The following SLC38A6 variants were observed in gnomAD, a reference collection of about 807,000 sequenced individuals.
The protein encoded by SLC38A6 is N system amino acid transporter NAT-1.
A neutral mutation model predicts 65.0 loss-of-function variants in SLC38A6; 73 were observed. The observed-to-expected ratio is 1.12, with a 90% CI of 0.93 to 1.37. SLC38A6 has a LOEUF of 1.37. Among genes scored for constraint, SLC38A6 ranks in the 40% most tolerant of loss-of-function variants. The pLI, the probability that SLC38A6 is intolerant of heterozygous loss-of-function variation, is 0.00. For synonymous variants in SLC38A6, 183 were observed against 178.8 expected, an observed-to-expected ratio of 1.02 and a Z score of -0.19; for missense variants, 561 against 531.1, an observed-to-expected ratio of 1.06 and a Z score of -0.55.
chr14:61,043,715 T>C (rs1182381001), intron 10 of SLC38A6, among the ~76,000 whole-genome samples: 16 of 150,776 alleles, frequency 1.1e-4, no homozygotes, highest in Admixed American at 4.0e-4. Context: ...TTTTTTTTTT[T>C]TCCTGGTATG....
At chr14:61,076,014 C>A (rs921483336) in intron 15 of SLC38A6, among the ~76,000 whole-genome samples, 5 of 152,066 alleles carry the variant, frequency 3.3e-5, no homozygotes, top group African/African-American at 1.2e-4. Context: ...AGCCACCACA[C>A]CCAGCTAATT....
intron 3 of SLC38A6, among the ~76,000 whole-genome samples, chr14:60,998,294 G>A (rs921036094): frequency 6.6e-6 from 1 of 151,736 alleles, no homozygotes. Flanking sequence ...CCCGCATCCT[G>A]TACCCATATA....
rs532535574 is a variant in SLC38A6 at position 61,011,283 on chromosome 14, G to A, written c.311-4621G>A. On this transcript the variant is annotated intron_variant, in intron 3 of 15. Coordinates refer to ENST00000267488, the MANE Select transcript of SLC38A6 (RefSeq NM_153811.3). ...TATCAGCTTAAGGAGATTTTGGGCC[G>A]AGATGGTGGGGTTTTCGAGATATAC... Among the ~76,000 whole-genome samples, 10 of 152,292 alleles carry A rather than the reference G, an allele frequency of 6.6e-5. No individual in the cohort carries two copies. The South Asian group carries it at 2.1e-3, about 32-fold the overall frequency.
chr14:61,071,428 T>C (rs1438447812), intron 15 of SLC38A6, among the ~76,000 whole-genome samples: 1 of 152,160 alleles, frequency 6.6e-6, no homozygotes, highest in Non-Finnish European at 1.5e-5. Flanking sequence ...ATGCCTGTAA[T>C]CACAGTACTT....
At chr14:61,076,631 G>T (rs1439459709) in intron 15 of SLC38A6, among the ~76,000 whole-genome samples, 2 of 152,168 alleles carry the variant, frequency 1.3e-5, no homozygotes, top group African/African-American at 4.8e-5. Context: ...AAAAGGTTCT[G>T]CTCATAGCAG....
At chr14:61,046,881 C>T (rs1053049123) in intron 12 of SLC38A6, among the ~76,000 whole-genome samples, 5 of 152,010 alleles carry the variant, frequency 3.3e-5, no homozygotes, top group African/African-American at 4.8e-5. Flanking sequence ...CTGCTAGAGA[C>T]GCTACAAAGA....
chr14:60,990,736 C>T (rs12893281), intron 3 of SLC38A6, among the ~76,000 whole-genome samples: 118,114 of 152,074 alleles, frequency 0.78, 50,273 homozygotes, highest in Non-Finnish European at 0.96. Flanking sequence ...GCCTCAGCCT[C>T]CCGGGTAGCT....
At chr14:61,005,704 C>T (rs1011894020) in intron 3 of SLC38A6, among the ~76,000 whole-genome samples, 19 of 152,164 alleles carry the variant, frequency 1.2e-4, no homozygotes, top group African/African-American at 4.6e-4. Flanking sequence ...AATGGAAGAA[C>T]ATTCCATGCT....
intron 15 of SLC38A6, among the ~76,000 whole-genome samples, chr14:61,065,712 G>T (rs970708875): frequency 6.6e-6 from 1 of 152,158 alleles, no homozygotes; most frequent in African/African-American, 2.4e-5. Context: ...TTTAGGGCCT[G>T]GGAATAAGGT....
At chr14:61,005,862 A>T (rs903556518) in intron 3 of SLC38A6, among the ~76,000 whole-genome samples, 2 of 152,222 alleles carry the variant, frequency 1.3e-5, no homozygotes, top group Non-Finnish European at 2.9e-5. Context: ...AAGAGCCCGC[A>T]TTGCCAAGTC....
At chr14:61,015,024 G>T (rs1455477035) in intron 3 of SLC38A6, among the ~76,000 whole-genome samples, 1 of 152,160 alleles carries the variant, frequency 6.6e-6, no homozygotes, top group Admixed American at 6.5e-5. Flanking sequence ...GCTGTGGTGG[G>T]CTCCACCCAG....
At chr14:61,067,452 T>C (rs1197669164) in intron 15 of SLC38A6, among the ~76,000 whole-genome samples, 1 of 152,198 alleles carries the variant, frequency 6.6e-6, no homozygotes, top group African/African-American at 2.4e-5. Flanking sequence ...AGAAATATCC[T>C]GACCAATGCA....
chr14:61,018,363 T>C (rs2040143194), intron 4 of SLC38A6, among the ~76,000 whole-genome samples: 1 of 152,168 alleles, frequency 6.6e-6, no homozygotes, highest in South Asian at 2.1e-4. Flanking sequence ...TGGAGAGCGT[T>C]CAAGTGGCAA....
chr14:61,032,519 A>AT (rs1416787967), intron 6 of SLC38A6, among the ~76,000 whole-genome samples: 1 of 151,862 alleles, frequency 6.6e-6, no homozygotes, highest in African/African-American at 2.4e-5. Flanking sequence ...TTAAAATGTT[A>AT]TTTTTACATG....
Position 60,981,338 on chromosome 14 carries a change from C to G in SLC38A6, c.61C>G (p.Pro21Ala), listed in dbSNP as rs2036994188. ...ERGWYVSVQQ[P>A]EEAEAEELSP... ...GGGCTGGTATGTCTCTGTCCAGCAG[C>G]CTGAAGAAGCGGAGGCCGAAGAGTT... The change falls in exon 1 of 16, where the codon CCT becomes GCT. Residue 21 changes from proline to alanine, a missense_variant. Pro to Ala is a conservative substitution (Grantham distance 27). Coordinates refer to ENST00000267488, the MANE Select transcript of SLC38A6 (RefSeq NM_153811.3). The G allele has an allele frequency of 6.2e-7, 1 of 1,610,506 alleles. No individual in the cohort carries two copies.
intron 3 of SLC38A6, among the ~76,000 whole-genome samples, chr14:61,003,465 G>A (rs1469234710): frequency 6.6e-6 from 1 of 152,002 alleles, no homozygotes; most frequent in Non-Finnish European, 1.5e-5. Flanking sequence ...TGCATATAAT[G>A]ATTTCTCTTG....
Position 61,037,617 on chromosome 14 carries a change from T to C in SLC38A6, c.566-8T>C, listed in dbSNP as rs371711031. The C allele has an allele frequency of 1.9e-6, 3 of 1,578,020 alleles. No homozygotes were observed. The highest frequency in any genetic ancestry group is 2.2e-5 in the East Asian group (1 of 44,492). On this transcript the variant is annotated splice_region_variant and splice_polypyrimidine_tract_variant and intron_variant, in intron 7 of 15. Coordinates refer to ENST00000267488, the MANE Select transcript of SLC38A6 (RefSeq NM_153811.3). ...TAAATTGCTTTTTATTTTACTGTTA[T>C]TTTACAGGCTTTCTTGGCTACACAA...
At chr14:61,073,804 C>G (rs2043307741) in intron 15 of SLC38A6, 1 of 151,404 alleles carries the variant, frequency 6.6e-6, no homozygotes, top group East Asian at 1.9e-4. Context: ...CTGTGTGGGT[C>G]CACTTATATG....
intron 9 of SLC38A6, 70 bp from the exon 10 acceptor site, chr14:61,043,380 A>G: frequency 7.8e-7 from 1 of 1,284,994 alleles, no homozygotes; most frequent in Non-Finnish European, 1.1e-6. Flanking sequence ...TAAATTCATC[A>G]TTTTTATTGA....
Sources: allele counts gnomAD v4.1 joint callset (sites outside exome capture counted in the v4.1 genomes callset), GRCh38; gene constraint gnomAD v4.1.1; transcripts MANE v1.5; gene names NCBI Gene and HGNC (gene_info 2026-07-23, HGNC 2026-07-21).